Variants in CPA6 observed in about 807,000 individuals in gnomAD.
CPA6 encodes the protein carboxypeptidase B.
CPA6 carries 58 observed loss-of-function variants against 63.3 expected under a neutral mutation model. That is an observed-to-expected ratio of 0.92 (90% CI 0.74 to 1.14). The LOEUF (loss-of-function observed/expected upper bound fraction) is 1.14, where lower values mean the gene tolerates loss of function less well. Among genes scored for constraint, CPA6 ranks in the 50% most tolerant of loss-of-function variants. The pLI is 0.00. For missense variants in CPA6, 565 were observed against 526.6 expected (o/e 1.07, Z -0.71); for synonymous variants, 185 against 179.0 (o/e 1.03, Z -0.27).
chr8:67,623,450 C>A lies in CPA6; in HGVS notation c.192+726G>T, dbSNP rs186186840. ...TGAGACAGGGTTTCTCTCTTTTGCCCAGGCTAGAGAGCAGTGGCGACAGAG... is the reference window on the plus strand; with the variant it reads ...TGAGACAGGGTTTCTCTCTTTTGCCAAGGCTAGAGAGCAGTGGCGACAGAG... On this transcript the variant is annotated intron_variant, in intron 2 of 10. Transcript: ENST00000297770. Among the ~76,000 whole-genome samples the A allele has an allele frequency of 6.5e-3, 984 of 151,692 alleles. 4 individuals are homozygous for A. Among genetic ancestry groups the A allele is most frequent in the Middle Eastern group, 0.017 (5 of 294 alleles).
chr8:67,551,824 T>C (rs1812944735), intron 2 of CPA6, among the ~76,000 whole-genome samples: 1 of 152,176 alleles, frequency 6.6e-6, no homozygotes, highest in Non-Finnish European at 1.5e-5. Flanking sequence ...TACTAGAATA[T>C]TGGAAAAGAG....
intron 8 of CPA6, among the ~76,000 whole-genome samples, chr8:67,438,766 G>A (rs200791377): frequency 6.6e-6 from 1 of 151,754 alleles, no homozygotes; most frequent in Non-Finnish European, 1.5e-5. Flanking sequence ...CAAATTGATG[G>A]AAAATAAAGA....
At chr8:67,668,127 T>G (rs561298152) in intron 1 of CPA6, among the ~76,000 whole-genome samples, 7 of 152,360 alleles carry the variant, frequency 4.6e-5, no homozygotes, top group Admixed American at 3.3e-4. Flanking sequence ...ATCATCAATC[T>G]GGTTAAAAAG....
At chr8:67,536,652 T>C (rs1348181291) in intron 2 of CPA6, among the ~76,000 whole-genome samples, 1 of 152,186 alleles carries the variant, frequency 6.6e-6, no homozygotes, top group Non-Finnish European at 1.5e-5. Context: ...ACAGAGACAA[T>C]TTGACTTCCT....
chr8:67,550,248 G>A (rs750641587), intron 2 of CPA6, among the ~76,000 whole-genome samples: 2 of 152,026 alleles, frequency 1.3e-5, no homozygotes, highest in South Asian at 4.2e-4. Context: ...CTTTATGTCC[G>A]TGAGTACTTG....
At position 67,496,535 on chromosome 8, in the gene CPA6, A is replaced by C; in HGVS notation, c.636+10252T>G. ...CTATATAGTTTATATATATATATAT[A>C]TATATATATATATATATATATATTT... On this transcript the variant is annotated intron_variant, in intron 6 of 10. Coordinates refer to ENST00000297770, the MANE Select transcript of CPA6 (RefSeq NM_020361.5). Among the ~76,000 whole-genome samples, 2 of 137,540 alleles carry C rather than the reference A, an allele frequency of 1.5e-5. 1 individual carries two copies. The highest frequency in any genetic ancestry group is 4.1e-4 in the East Asian group (2 of 4,844). The allele number at this position is 137,540 out of a possible 152,430, so 90.2% of individuals were successfully genotyped here. A position where few individuals can be genotyped will look rare whatever the true frequency, so the allele number is the denominator to read the frequency against.
intron 1 of CPA6, among the ~76,000 whole-genome samples, chr8:67,721,705 G>GA (rs142763879): frequency 0.043 from 6,521 of 152,150 alleles, 184 homozygotes; most frequent in Non-Finnish European, 0.067. Flanking sequence ...TCAAAAGTGG[G>GA]AAAAAAACCC....
intron 1 of CPA6, among the ~76,000 whole-genome samples, chr8:67,710,912 G>C (rs1267188405): frequency 6.6e-6 from 1 of 152,142 alleles, no homozygotes; most frequent in East Asian, 1.9e-4. Flanking sequence ...TAGAGTTGTA[G>C]TCATTTGGTA....
chr8:67,689,438 C>G (rs1030814932), intron 1 of CPA6, among the ~76,000 whole-genome samples: 1 of 152,180 alleles, frequency 6.6e-6, no homozygotes, highest in African/African-American at 2.4e-5. Context: ...CCTCCACACT[C>G]CAGTGGTTCC....
At chr8:67,516,233 A>C (rs1312757136) in intron 3 of CPA6, among the ~76,000 whole-genome samples, 1 of 152,180 alleles carries the variant, frequency 6.6e-6, no homozygotes, top group African/African-American at 2.4e-5. Context: ...TTGCTTCTTC[A>C]TTCATCCAGA....
At chr8:67,680,783 C>A (rs1157005930) in intron 1 of CPA6, among the ~76,000 whole-genome samples, 1 of 152,206 alleles carries the variant, frequency 6.6e-6, no homozygotes, top group Non-Finnish European at 1.5e-5. Flanking sequence ...TCATAGATGA[C>A]CTCAATCCAC....
intron 2 of CPA6, among the ~76,000 whole-genome samples, chr8:67,534,913 T>C (rs2128969577): frequency 6.7e-6 from 1 of 150,064 alleles, no homozygotes; most frequent in East Asian, 2.0e-4. Flanking sequence ...TTCCCCGCCT[T>C]GTGCCCATAT....
intron 2 of CPA6, among the ~76,000 whole-genome samples, chr8:67,529,845 C>T (rs764237495): frequency 3.9e-5 from 6 of 152,134 alleles, no homozygotes; most frequent in Non-Finnish European, 5.9e-5. Flanking sequence ...CAAGTTCTAG[C>T]CATGTATGCC....
At chr8:67,646,549 G>GA (rs895096861) in intron 1 of CPA6, among the ~76,000 whole-genome samples, 2 of 152,208 alleles carry the variant, frequency 1.3e-5, no homozygotes, top group East Asian at 3.9e-4. Flanking sequence ...TCTTGGGAGA[G>GA]AAAAAAGACA....
At chr8:67,484,858 C>A in intron 6 of CPA6, 69 bp from the exon 7 acceptor site, 1 of 810,276 alleles carries the variant, frequency 1.2e-6, no homozygotes, top group South Asian at 1.7e-5. Context: ...TGTGAGATAT[C>A]CTTTCTATCC....
chr8:67,674,975 T>C (rs900009067), intron 1 of CPA6, among the ~76,000 whole-genome samples: 1 of 152,080 alleles, frequency 6.6e-6, no homozygotes, highest in Non-Finnish European at 1.5e-5. Context: ...AAACACTGGG[T>C]ACACATGAAT....
intron 6 of CPA6, among the ~76,000 whole-genome samples, chr8:67,493,298 T>C (rs1448096979): frequency 6.6e-6 from 1 of 152,152 alleles, no homozygotes; most frequent in Non-Finnish European, 1.5e-5. Flanking sequence ...TATTTTACCT[T>C]TAATGAGCAG....
intron 1 of CPA6, among the ~76,000 whole-genome samples, chr8:67,624,928 A>G (rs1215682489): frequency 2.0e-5 from 3 of 152,200 alleles, no homozygotes; most frequent in East Asian, 3.9e-4. Flanking sequence ...ACATAAAGCA[A>G]TCACTGAGAA....
At chr8:67,509,457 T>C in intron 5 of CPA6, 60 bp downstream of exon 5, 1 of 809,548 alleles carries the variant, frequency 1.2e-6, no homozygotes, top group Non-Finnish European at 2.1e-6. Flanking sequence ...TAGGTTAAAG[T>C]TGAAAAAGAT....
Sources: gnomAD v4.1 joint callset for allele counts (sites outside exome capture counted in the v4.1 genomes callset) on GRCh38, gnomAD v4.1.1 for gene constraint, MANE v1.5 for transcripts, NCBI Gene and HGNC (gene_info 2026-07-23, HGNC 2026-07-21) for gene names.